Variants in CD58 observed in about 807,000 individuals in gnomAD.
The protein encoded by CD58 is CD58 molecule, also known as lymphocyte function-associated antigen 3.
A neutral mutation model predicts 27.6 loss-of-function variants in CD58; 14 were observed. The ratio of observed to expected loss-of-function variants is 0.51; its 90% CI spans 0.34 to 0.79. The LOEUF (loss-of-function observed/expected upper bound fraction) is 0.79. Among genes scored for constraint, CD58 ranks in the 30% least tolerant of loss-of-function variants. CD58 has a pLI of 0.02. For missense variants in CD58, 268 were observed against 301.7 expected (o/e 0.89, Z 0.83); for synonymous variants, 117 against 103.8 (o/e 1.13, Z -0.77).
rs996249211 is a variant in CD58 at position 116,538,667 on chromosome 1, T to G, written c.365-2439A>C. Among the ~76,000 whole-genome samples, 1 of 152,212 alleles carries G rather than the reference T, an allele frequency of 6.6e-6. No homozygotes were observed. Among genetic ancestry groups the G allele is most frequent in the Non-Finnish European group, 1.5e-5 (1 of 68,034 alleles). ...TAATGTATTGATCTAGCTCTGCCAA[T>G]GTCTAGTCTTTCATCCAGCACTTTC... On this transcript the variant is annotated intron_variant, in intron 2 of 5. Transcript: ENST00000369489. The surrounding 1 kb of genome is among the most constrained non-coding windows in gnomAD (Gnocchi z 4.7).
In CD58 at chr1:116,553,140, C is replaced by T. The variant is rs527598291; in HGVS notation, c.71-8536G>A. Among the ~76,000 whole-genome samples, 248 of 151,658 alleles carry T rather than the reference C, an allele frequency of 1.6e-3. 3 individuals are homozygous for T. The highest frequency in any genetic ancestry group is 6.0e-3 in the South Asian group (29 of 4,810). The stretch of plus-strand genomic sequence containing the variant: ...TTTCTGAGAAATGTCTTTTCACATC[C>T]TCTTTTTTTGTATTAGATTGTTTGT... On this transcript the variant is annotated intron_variant, in intron 1 of 5. Coordinates refer to ENST00000369489, the MANE Select transcript of CD58 (RefSeq NM_001779.3).
At chr1:116,564,683 G>T (rs1199746997) in intron 1 of CD58, among the ~76,000 whole-genome samples, 1 of 152,186 alleles carries the variant, frequency 6.6e-6, no homozygotes, top group Non-Finnish European at 1.5e-5. Flanking sequence ...CACTATCTGA[G>T]AACAGTATGG....
intron 1 of CD58, among the ~76,000 whole-genome samples, chr1:116,555,300 A>G (rs906773341): frequency 6.6e-6 from 1 of 152,126 alleles, no homozygotes; most frequent in African/African-American, 2.4e-5. Flanking sequence ...AGGTTTGAAT[A>G]AAATTGAGAG....
In CD58 at chr1:116,519,437, G is replaced by A. The variant is rs1571056199; in HGVS notation, c.707-170C>T. 3.0e-6 allele frequency: 2 copies of A among 669,804 alleles called. No homozygotes were observed. The highest frequency in any genetic ancestry group is 1.8e-5 in the African/African-American group (1 of 55,150). 41.5% of individuals were successfully genotyped at this position (669,804 alleles called of 1,614,324 possible). On this transcript the variant is annotated intron_variant, in intron 4 of 5. Transcript: ENST00000369489. The surrounding 1 kb of genome is among the most constrained non-coding windows in gnomAD (Gnocchi z 4.7). Reference sequence around the variant, plus strand: ...TTTAAATCAAATCGGCTACAGAGCTGGTCCAAAGAGTTGTTCAAAAATTGG... The same window carrying A: ...TTTAAATCAAATCGGCTACAGAGCTAGTCCAAAGAGTTGTTCAAAAATTGG...
chr1:116,534,065 C>G lies in CD58; in HGVS notation c.628+1900G>C. The G allele has an allele frequency of 1.1e-6, 1 of 918,840 alleles. No homozygotes were observed. The highest frequency in any genetic ancestry group is 1.7e-5 in the Admixed American group (1 of 58,474). The allele number at this position is 918,840 out of a possible 1,614,324, so 56.9% of individuals were successfully genotyped here. A position where few individuals can be genotyped will look rare whatever the true frequency, so the allele number is the denominator to read the frequency against. ...GCAGCTTCCACGAAATCTGAAGGAA[C>G]CCCATCTGAAAAACTGTTATCTGCC... On this transcript the variant is annotated intron_variant, in intron 3 of 5. Coordinates refer to ENST00000369489, the MANE Select transcript of CD58 (RefSeq NM_001779.3). The surrounding 1 kb of genome is among the most constrained non-coding windows in gnomAD (Gnocchi z 5.3).
In CD58 at chr1:116,563,679, C is replaced by A. The variant is rs541234534; in HGVS notation, c.70+7224G>T. Among the ~76,000 whole-genome samples, 2 of 152,316 alleles carry A rather than the reference C, an allele frequency of 1.3e-5. No individual in the cohort carries two copies. The highest frequency in any genetic ancestry group is 4.1e-4 in the South Asian group (2 of 4,826). The stretch of plus-strand genomic sequence containing the variant: ...AGCAACAGCCTGAGTGGTATGTTGG[C>A]CCCTTTTAGCCATGGCTGGAGCTAA... On this transcript the variant is annotated intron_variant, in intron 1 of 5. Transcript: ENST00000369489. This position sits in a 1 kb window ranked among gnomAD's most constrained non-coding sequence, Gnocchi z 4.1.
Position 116,563,891 on chromosome 1 carries a change from A to C in CD58, c.70+7012T>G, listed in dbSNP as rs533935853. 1.3e-5 allele frequency among the ~76,000 whole-genome samples: 2 copies of C among 152,194 alleles called. No homozygotes were observed. The highest frequency in any genetic ancestry group is 2.9e-5 in the Non-Finnish European group (2 of 68,038). ...CTTCGTGATTAACATTTGGCTCCTCATTACTTAATGCAAATTTCTGCAGCT... is the reference window on the plus strand; with the variant it reads ...CTTCGTGATTAACATTTGGCTCCTCCTTACTTAATGCAAATTTCTGCAGCT... On this transcript the variant is annotated intron_variant, in intron 1 of 5. Transcript: ENST00000369489. This position sits in a 1 kb window ranked among gnomAD's most constrained non-coding sequence, Gnocchi z 4.1.
In CD58 at chr1:116,534,213, C is replaced by A; in HGVS notation, c.628+1752G>T. The A allele has an allele frequency of 1.8e-6, 1 of 541,332 alleles. No individual in the cohort carries two copies. The highest frequency in any genetic ancestry group is 3.3e-6 in the Non-Finnish European group (1 of 300,940). The allele number at this position is 541,332 out of a possible 1,614,324, so 33.5% of individuals were successfully genotyped here. On this transcript the variant is annotated intron_variant, in intron 3 of 5. Coordinates refer to ENST00000369489, the MANE Select transcript of CD58 (RefSeq NM_001779.3). The surrounding 1 kb of genome is among the most constrained non-coding windows in gnomAD (Gnocchi z 5.3). The stretch of plus-strand genomic sequence containing the variant: ...CTGGCTCGCACCGCACAGCTCCCAA[C>A]AGCTGAGATGCAATGCCAAGGACTT...
In CD58 at chr1:116,552,609, G is replaced by A. The variant is rs565938040; in HGVS notation, c.71-8005C>T. 5.9e-5 allele frequency among the ~76,000 whole-genome samples: 9 copies of A among 152,180 alleles called. No individual in the cohort carries two copies. Among genetic ancestry groups the A allele is most frequent in the Admixed American group, 6.5e-5 (1 of 15,286 alleles). On this transcript the variant is annotated intron_variant, in intron 1 of 5. Coordinates refer to ENST00000369489, the MANE Select transcript of CD58 (RefSeq NM_001779.3). The surrounding 1 kb of genome is among the most constrained non-coding windows in gnomAD (Gnocchi z 4.5). The stretch of plus-strand genomic sequence containing the variant: ...TCTTATGCACACTTCTCTACATCCC[G>A]CCTTTCCATTAATATGTCATAAAAT...
chr1:116,528,881 C>A lies in CD58; in HGVS notation c.629-6898G>T, dbSNP rs1657507622. ...TCACAAGGTCTGTCAACAATGACCT[C>A]CTAAGTGCCAAATCCACAACCTCTT... On this transcript the variant is annotated intron_variant, in intron 3 of 5. Coordinates refer to ENST00000369489, the MANE Select transcript of CD58 (RefSeq NM_001779.3). The surrounding 1 kb of genome is among the most constrained non-coding windows in gnomAD (Gnocchi z 4.4). 1.3e-5 allele frequency among the ~76,000 whole-genome samples: 2 copies of A among 152,198 alleles called. 1 individual carries two copies. Among genetic ancestry groups the A allele is most frequent in the South Asian group, 4.1e-4 (2 of 4,830 alleles).
chr1:116,535,859 A>G (rs1363656093), intron 3 of CD58, 106 bp downstream of exon 3: 4 of 570,092 alleles, frequency 7.0e-6, no homozygotes, highest in Non-Finnish European at 9.4e-6. Context: ...AAAAAAAAAA[A>G]AAAAAAAAAT....
chr1:116,519,220 A>G lies in CD58; in HGVS notation c.743+11T>C. ...TTCTGGCACAGAGTGCACAGCCTGC[A>G]GTGTACTTACTTGGTTCTGTCTGGT... On this transcript the variant is annotated intron_variant, in intron 5 of 5. Transcript: ENST00000369489. This position sits in a 1 kb window ranked among gnomAD's most constrained non-coding sequence, Gnocchi z 4.7. 1.2e-6 allele frequency: 2 copies of G among 1,612,340 alleles called. No individual in the cohort carries two copies. Among genetic ancestry groups the G allele is most frequent in the South Asian group, 1.1e-5 (1 of 90,776 alleles).
At chr1:116,525,980 C>G (rs889995461) in intron 3 of CD58, among the ~76,000 whole-genome samples, 1 of 152,122 alleles carries the variant, frequency 6.6e-6, no homozygotes, top group African/African-American at 2.4e-5. Flanking sequence ...CCCTATTTGC[C>G]ATCTGTATAC....
intron 2 of CD58, among the ~76,000 whole-genome samples, chr1:116,537,507 A>G (rs549442732): frequency 6.6e-6 from 1 of 152,190 alleles, no homozygotes; most frequent in South Asian, 2.1e-4. Flanking sequence ...GGCCCTGCCT[A>G]TTGGTTGGGC....
rs573132143 is a variant in CD58, at chr1:116,524,755, A to T, written c.629-2772T>A. ...CTACATAATTACTTAAAACATTACA[A>T]TTTTTTTCTTTATAGTTCTTTTTAT... On this transcript the variant is annotated intron_variant, in intron 3 of 5. Coordinates refer to ENST00000369489, the MANE Select transcript of CD58 (RefSeq NM_001779.3). This position sits in a 1 kb window ranked among gnomAD's most constrained non-coding sequence, Gnocchi z 4.6. 6.6e-6 allele frequency among the ~76,000 whole-genome samples: 1 copy of T among 152,304 alleles called. No homozygotes were observed. Among genetic ancestry groups the T allele is most frequent in the African/African-American group, 2.4e-5 (1 of 41,572 alleles).
intron 1 of CD58, among the ~76,000 whole-genome samples, chr1:116,554,642 T>C (rs1012271317): frequency 4.5e-4 from 68 of 152,304 alleles, no homozygotes; most frequent in African/African-American, 1.5e-3. Flanking sequence ...TGGTTGTTTT[T>C]AAAGTAACCA....
rs1208812211 is a variant in CD58, at chr1:116,524,696, C to G, written c.629-2713G>C. ...CATTTGCATTTTCCTGCAATACATA[C>G]TCAACAGTAACCAAATACCAGCATT... On this transcript the variant is annotated intron_variant, in intron 3 of 5. Transcript: ENST00000369489. The surrounding 1 kb of genome is among the most constrained non-coding windows in gnomAD (Gnocchi z 4.6). 1.3e-5 allele frequency among the ~76,000 whole-genome samples: 2 copies of G among 152,204 alleles called. No homozygotes were observed. The highest frequency in any genetic ancestry group is 2.9e-5 in the Non-Finnish European group (2 of 68,024).
rs1240038525 is a variant in CD58 at position 116,538,219 on chromosome 1, A to C, written c.365-1991T>G. Among the ~76,000 whole-genome samples the C allele has an allele frequency of 6.6e-6, 1 of 152,218 alleles. No homozygotes were observed. Among genetic ancestry groups the C allele is most frequent in the Admixed American group, 6.5e-5 (1 of 15,288 alleles). ...AAAGACTTTTAATCATCTTTTAAGC[A>C]GTGGAATTTCTCAGAATTAAATCTT... On this transcript the variant is annotated intron_variant, in intron 2 of 5. Transcript: ENST00000369489. This position sits in a 1 kb window ranked among gnomAD's most constrained non-coding sequence, Gnocchi z 4.7.
chr1:116,568,099 G>A (rs992217588), intron 1 of CD58, among the ~76,000 whole-genome samples: 1 of 151,714 alleles, frequency 6.6e-6, no homozygotes, highest in Non-Finnish European at 1.5e-5. Context: ...GTTAAAGGGG[G>A]TTAAAAAGGC....
Sources: gnomAD v4.1 joint callset for allele counts (sites outside exome capture counted in the v4.1 genomes callset) on GRCh38, gnomAD v4.1.1 for gene constraint, Gnocchi (gnomAD v3.1) non-coding constraint, MANE v1.5 for transcripts, NCBI Gene and HGNC (gene_info 2026-07-23, HGNC 2026-07-21) for gene names.